Variants in FAM133B observed in about 807,000 individuals in gnomAD.
FAM133B encodes protein FAM133B.
In FAM133B, 25 loss-of-function variants were observed where a neutral mutation model predicts 46.4. That is an observed-to-expected ratio of 0.54 (90% CI 0.39 to 0.75). The LOEUF (loss-of-function observed/expected upper bound fraction) is 0.75. FAM133B is among the 30% of genes least tolerant of loss of function. The probability of loss-of-function intolerance (pLI) is 0.00; values close to 1 mark genes in which losing one functional copy is unlikely to be tolerated. For synonymous variants in FAM133B, 75 were observed against 86.0 expected, an observed-to-expected ratio of 0.87 and a Z score of 0.71; for missense variants, 205 against 277.6, an observed-to-expected ratio of 0.74 and a Z score of 1.86.
At chr7:92,588,463 A>G (rs532373108) in intron 1 of FAM133B, among the ~76,000 whole-genome samples, 49 of 152,340 alleles carry the variant, frequency 3.2e-4, no homozygotes, top group African/African-American at 1.0e-3. Flanking sequence ...CATAATTTCA[A>G]CGCCATGACA....
intron 10 of FAM133B, 66 bp downstream of exon 10, chr7:92,565,948 T>C (rs966334578): frequency 4.6e-6 from 7 of 1,525,136 alleles, no homozygotes; most frequent in Non-Finnish European, 5.4e-6. Context: ...AGCTTTACCA[T>C]GACTCATTTT....
At position 92,581,431 on chromosome 7, in the gene FAM133B, A is replaced by T; in HGVS notation, c.122+75T>A. Reference sequence around the variant, plus strand: ...TGGCAATTGCTTGGTAATCAATAAAATCAATTAAAGTCTTAAGAATAAACT... The same window carrying T: ...TGGCAATTGCTTGGTAATCAATAAATTCAATTAAAGTCTTAAGAATAAACT... On this transcript the variant is annotated intron_variant, in intron 2 of 10. Coordinates refer to ENST00000445716, the MANE Select transcript of FAM133B (RefSeq NM_152789.4). The T allele has an allele frequency of 4.0e-6, 5 of 1,238,428 alleles. No individual in the cohort carries two copies. The South Asian group carries it at 6.8e-5, about 17-fold the overall frequency. The allele number at this position is 1,238,428 out of a possible 1,614,324, so 76.7% of individuals were successfully genotyped here. A position where few individuals can be genotyped will look rare whatever the true frequency, so the allele number is the denominator to read the frequency against.
chr7:92,571,127 T>G (rs1458857353), intron 8 of FAM133B, among the ~76,000 whole-genome samples: 2 of 152,146 alleles, frequency 1.3e-5, no homozygotes, highest in East Asian at 3.9e-4. Flanking sequence ...TGTATGTGAG[T>G]GCAAACTCTT....
At chr7:92,586,936 A>G (rs2116427305) in intron 1 of FAM133B, among the ~76,000 whole-genome samples, 1 of 152,344 alleles carries the variant, frequency 6.6e-6, no homozygotes, top group East Asian at 1.9e-4. Flanking sequence ...AAAACTGTAC[A>G]AGAATGCATA....
intron 8 of FAM133B, among the ~76,000 whole-genome samples, chr7:92,571,163 C>G (rs1261915479): frequency 6.6e-6 from 1 of 152,096 alleles, no homozygotes; most frequent in Non-Finnish European, 1.5e-5. Flanking sequence ...AATCAAAGAC[C>G]AACGTAGCCT....
chr7:92,586,812 C>T (rs1795049054), intron 1 of FAM133B, among the ~76,000 whole-genome samples: 1 of 152,072 alleles, frequency 6.6e-6, no homozygotes, highest in South Asian at 2.1e-4. Flanking sequence ...TTTTAGAGGT[C>T]CCAAAGTAGC....
intron 1 of FAM133B, chr7:92,581,896 C>A: frequency 3.7e-6 from 1 of 268,356 alleles, no homozygotes; most frequent in Non-Finnish European, 7.2e-6. Flanking sequence ...ACAGCTCTTT[C>A]TCCTAAAGCC....
intron 8 of FAM133B, among the ~76,000 whole-genome samples, chr7:92,572,870 T>C (rs1472532869): frequency 1.3e-5 from 2 of 152,152 alleles, no homozygotes; most frequent in Non-Finnish European, 2.9e-5. Context: ...GATTAATTAG[T>C]AGAATACCAT....
At chr7:92,575,693 A>C in intron 8 of FAM133B, 78 bp downstream of exon 8, 1 of 683,074 alleles carries the variant, frequency 1.5e-6, no homozygotes, top group Non-Finnish European at 2.4e-6. Flanking sequence ...TCTTAAAAAG[A>C]GATACACATT....
chr7:92,565,324 ATT>A (rs1361599092), intron 10 of FAM133B, among the ~76,000 whole-genome samples: 1 of 127,694 alleles, frequency 7.8e-6, no homozygotes, highest in Non-Finnish European at 1.7e-5. Flanking sequence ...TAATTTTTGT[ATT>A]TTTTTTTTTA....
At chr7:92,573,363 C>T (rs1794595428) in intron 8 of FAM133B, among the ~76,000 whole-genome samples, 3 of 151,796 alleles carry the variant, frequency 2.0e-5, no homozygotes, top group Admixed American at 1.3e-4. Context: ...CTATGTTGCC[C>T]AGGCTGGTCT....
At chr7:92,584,047 CAAAA>C (rs765172200) in intron 1 of FAM133B, among the ~76,000 whole-genome samples, 3 of 36,794 alleles carry the variant, frequency 8.2e-5, no homozygotes, top group Admixed American at 8.2e-4. Context: ...AAGACTGTCT[CAAAA>C]AAAAAAAAAA....
At chr7:92,578,235 G>C in intron 4 of FAM133B, 53 bp from the exon 5 acceptor site, 3 of 1,598,928 alleles carry the variant, frequency 1.9e-6, no homozygotes, top group Non-Finnish European at 2.6e-6. Context: ...GTTTGCAAAT[G>C]CATCTATTAA....
chr7:92,564,298 G>A (rs1461874093), intron 10 of FAM133B, among the ~76,000 whole-genome samples: 2 of 152,124 alleles, frequency 1.3e-5, no homozygotes, highest in Non-Finnish European at 2.9e-5. Flanking sequence ...AGGATTTCAT[G>A]AGCCCGTCCC....
chr7:92,565,900 C>A, intron 10 of FAM133B, 114 bp downstream of exon 10: 1 of 1,136,926 alleles, frequency 8.8e-7, no homozygotes, highest in Non-Finnish European at 1.3e-6. Context: ...CCACACCTTT[C>A]CCAACAAATA....
At chr7:92,590,045 G>A (rs1233807058) in intron 1 of FAM133B, 3 of 618,120 alleles carry the variant, frequency 4.9e-6, no homozygotes, top group East Asian at 2.9e-5. Flanking sequence ...GCGACGAGGT[G>A]AGGGAAGAAA....
intron 1 of FAM133B, among the ~76,000 whole-genome samples, chr7:92,583,922 G>A (rs932765702): frequency 3.3e-5 from 5 of 151,584 alleles, no homozygotes; most frequent in African/African-American, 1.2e-4. Context: ...GGTGGCGGGT[G>A]CCTATAATCT....
chr7:92,588,233 A>G (rs1294314427), intron 1 of FAM133B, among the ~76,000 whole-genome samples: 1 of 152,220 alleles, frequency 6.6e-6, no homozygotes, highest in Non-Finnish European at 1.5e-5. Flanking sequence ...AGCTATCAAA[A>G]TGTTCTAGTA....
At chr7:92,575,302 C>T (rs1024174472) in intron 8 of FAM133B, among the ~76,000 whole-genome samples, 15 of 152,044 alleles carry the variant, frequency 9.9e-5, no homozygotes, top group Admixed American at 6.5e-4. Flanking sequence ...ATGGCGAAAC[C>T]GTCTCTACTA....
Sources: allele counts gnomAD v4.1 joint callset (sites outside exome capture counted in the v4.1 genomes callset), GRCh38; gene constraint gnomAD v4.1.1; transcripts MANE v1.5; gene names NCBI Gene and HGNC (gene_info 2026-07-23, HGNC 2026-07-21).